The following UNC13C variants were observed in gnomAD, a reference collection of about 807,000 sequenced individuals.
The protein encoded by UNC13C is protein unc-13 homolog C.
UNC13C carries 174 observed loss-of-function variants against 245.4 expected under a neutral mutation model. The observed-to-expected ratio is 0.71, with a 90% confidence interval of 0.63 to 0.80. The LOEUF (loss-of-function observed/expected upper bound fraction) is 0.80. Ranked by LOEUF, UNC13C falls within the 30% of genes least tolerant of loss-of-function variation. The pLI is 0.00. For missense variants in UNC13C, 2,829 were observed against 2,602.9 expected (o/e 1.09, Z -1.89); for synonymous variants, 992 against 895.1 (o/e 1.11, Z -1.93).
At chr15:54,134,695 T>C (rs1395238226) in intron 2 of UNC13C, among the ~76,000 whole-genome samples, 1 of 152,140 alleles carries the variant, frequency 6.6e-6, no homozygotes, top group Non-Finnish European at 1.5e-5. Context: ...AATTTTTTTT[T>C]TGTATTTTTA....
chr15:54,386,331 G>A (rs2039836319), intron 17 of UNC13C, among the ~76,000 whole-genome samples: 1 of 152,164 alleles, frequency 6.6e-6, no homozygotes, highest in African/African-American at 2.4e-5. Context: ...CATTGCTATA[G>A]CAATAAAGTC....
At chr15:53,899,399 CA>C in the UNC13C span, among the ~76,000 whole-genome samples, 1 of 152,336 alleles carries the variant, frequency 6.6e-6, no homozygotes, top group Non-Finnish European at 1.5e-5. Flanking sequence ...ACTTTCCTTG[CA>C]AATTAAACTT....
chr15:54,612,326 G>C (rs931435456), intron 30 of UNC13C, among the ~76,000 whole-genome samples: 1 of 151,922 alleles, frequency 6.6e-6, no homozygotes, highest in African/African-American at 2.4e-5. Context: ...TTTTCCACAT[G>C]AACCAGTTAA....
chr15:54,507,085 C>G, intron 22 of UNC13C, 32 bp from the exon 23 acceptor site: 1 of 1,447,500 alleles, frequency 6.9e-7, no homozygotes, highest in Non-Finnish European at 9.5e-7. Context: ...ACATACTTAC[C>G]TGGGTAAAGT....
At chr15:54,548,863 A>C (rs527380880) in intron 27 of UNC13C, among the ~76,000 whole-genome samples, 109 of 152,280 alleles carry the variant, frequency 7.2e-4, no homozygotes, top group African/African-American at 2.6e-3. Flanking sequence ...TGTACTAGGC[A>C]CTGTGCTAGG....
intron 10 of UNC13C, among the ~76,000 whole-genome samples, chr15:54,276,176 T>A (rs2036827190): frequency 6.6e-6 from 1 of 152,056 alleles, no homozygotes; most frequent in African/African-American, 2.4e-5. Context: ...CAAAGGAACT[T>A]TTGGAGAAAC....
chr15:54,394,974 C>G (rs2040040063), intron 18 of UNC13C, among the ~76,000 whole-genome samples: 1 of 151,650 alleles, frequency 6.6e-6, no homozygotes. Flanking sequence ...TTAGCAATGA[C>G]ATGTGCAAAA....
chr15:53,897,893 C>G, the UNC13C span, among the ~76,000 whole-genome samples: 81 of 152,122 alleles, frequency 5.3e-4, no homozygotes, highest in African/African-American at 1.8e-3. Context: ...TCTGTCTAAC[C>G]CCTACTAAAA....
intron 2 of UNC13C, among the ~76,000 whole-genome samples, chr15:54,116,355 G>A (rs933063653): frequency 6.6e-6 from 1 of 151,848 alleles, no homozygotes; most frequent in Non-Finnish European, 1.5e-5. Flanking sequence ...CTGTTCTATT[G>A]AACATGATGT....
At chr15:54,446,656 G>C (rs967186352) in intron 19 of UNC13C, among the ~76,000 whole-genome samples, 1 of 152,174 alleles carries the variant, frequency 6.6e-6, no homozygotes, top group African/African-American at 2.4e-5. Context: ...CTGAGACTTT[G>C]CTGAAGTTGC....
chr15:54,519,743 G>A lies in UNC13C; in HGVS notation c.5458-5806G>A, dbSNP rs552114885. Among the ~76,000 whole-genome samples the A allele has an allele frequency of 2.6e-5, 4 of 152,230 alleles. No homozygotes were observed. In the East Asian group the frequency reaches 5.8e-4, roughly 22 times the overall value. ...GTTAGAGCTGGGCACATTTGTTTCC[G>A]GTAGAGAGGACCGTGTATTCTTTTA... On this transcript the variant is annotated intron_variant, in intron 24 of 32. Coordinates refer to ENST00000260323, the MANE Select transcript of UNC13C (RefSeq NM_001080534.3).
chr15:53,893,554 A>C, the UNC13C span, among the ~76,000 whole-genome samples: 1 of 152,200 alleles, frequency 6.6e-6, no homozygotes, highest in African/African-American at 2.4e-5. Context: ...TGCCCTGCCC[A>C]GAGAGCAGAA....
At chr15:53,850,871 C>CT in the UNC13C span, among the ~76,000 whole-genome samples, 25 of 145,422 alleles carry the variant, frequency 1.7e-4, no homozygotes, top group Middle Eastern at 3.5e-3. Flanking sequence ...TTTTTCCAAC[C>CT]TTTTTTTTTT....
At chr15:53,863,994 G>A in the UNC13C span, among the ~76,000 whole-genome samples, 387 of 152,272 alleles carry the variant, frequency 2.5e-3, 7 homozygotes, top group African/African-American at 8.9e-3. Context: ...GGCTGCCAGA[G>A]TTCCTCATTT....
At chr15:54,552,504 A>C (rs189241698) in intron 28 of UNC13C, among the ~76,000 whole-genome samples, 753 of 51,244 alleles carry the variant, frequency 0.015, 42 homozygotes, top group African/African-American at 0.082. Context: ...ATTATATATA[A>C]TTATATATTA....
At chr15:54,556,618 C>T (rs1897101531) in intron 29 of UNC13C, among the ~76,000 whole-genome samples, 1 of 151,574 alleles carries the variant, frequency 6.6e-6, no homozygotes, top group Non-Finnish European at 1.5e-5. Context: ...AAAAAATGAA[C>T]AACATGAAAA....
At chr15:54,527,304 T>A (rs1387961485) in intron 25 of UNC13C, among the ~76,000 whole-genome samples, 1 of 152,030 alleles carries the variant, frequency 6.6e-6, no homozygotes, top group Non-Finnish European at 1.5e-5. Context: ...TTGTTCTAGT[T>A]GCAAATTAAC....
chr15:54,083,757 T>A (rs1046056743), intron 2 of UNC13C, among the ~76,000 whole-genome samples: 10 of 152,146 alleles, frequency 6.6e-5, no homozygotes. Flanking sequence ...CCCCAGGGAC[T>A]TGATTGCTGT....
In UNC13C at chr15:54,014,316, A is replaced by C; in HGVS notation, c.1413A>C (p.Ser471=). Residue 471 remains serine (S), a synonymous_variant, in exon 2 of 33, where the codon TCA becomes TCC. Coordinates refer to ENST00000260323, the MANE Select transcript of UNC13C (RefSeq NM_001080534.3). ...ACAGTTACGCTGTGCTTTCCAAGTC[A>C]GAGCTTCTAACAAAGGGAAGTACTT... ...NRNSYAVLSK[S]ELLTKGSTSK... is the part of the protein sequence containing the mutation. The C allele has an allele frequency of 6.2e-7, 1 of 1,613,954 alleles. No individual in the cohort carries two copies. Among genetic ancestry groups the C allele is most frequent in the South Asian group, 1.1e-5 (1 of 91,080 alleles).
Sources: allele counts gnomAD v4.1 joint callset (sites outside exome capture counted in the v4.1 genomes callset), GRCh38; gene constraint gnomAD v4.1.1; transcripts MANE v1.5; gene names NCBI Gene and HGNC (gene_info 2026-07-23, HGNC 2026-07-21).